Variants in FAM227B observed in about 807,000 individuals in gnomAD.
The protein encoded by FAM227B is family with sequence similarity 227 member B, also known as protein FAM227B.
A neutral mutation model predicts 73.8 loss-of-function variants in FAM227B; 88 were observed. The observed-to-expected ratio is 1.19, with a 90% CI of 1.00 to 1.42. The LOEUF (loss-of-function observed/expected upper bound fraction) is 1.42, where lower values mean the gene tolerates loss of function less well. Ranked by LOEUF, FAM227B falls within the 40% of genes most tolerant of loss-of-function variation. FAM227B has a pLI of 0.00. For missense variants in FAM227B, 632 were observed against 590.9 expected (o/e 1.07, Z -0.72); for synonymous variants, 210 against 190.5 (o/e 1.10, Z -0.84).
chr15:49,617,715 T>C (rs1243020879), intron 1 of FAM227B, among the ~76,000 whole-genome samples: 2 of 152,126 alleles, frequency 1.3e-5, no homozygotes, highest in African/African-American at 4.8e-5. Context: ...AGTTTATTAT[T>C]TCACAGGTCT....
chr15:49,603,819 G>A (rs1014142157), intron 3 of FAM227B, among the ~76,000 whole-genome samples: 1 of 152,138 alleles, frequency 6.6e-6, no homozygotes, highest in Non-Finnish European at 1.5e-5. Flanking sequence ...TTATGTTAAA[G>A]TATATTCCTT....
At chr15:49,530,865 G>T (rs867990847) in intron 10 of FAM227B, among the ~76,000 whole-genome samples, 1 of 151,056 alleles carries the variant, frequency 6.6e-6, no homozygotes, top group East Asian at 1.9e-4. Flanking sequence ...TAAATATAAA[G>T]AAATATAAAG....
intron 11 of FAM227B, among the ~76,000 whole-genome samples, chr15:49,463,091 C>T (rs2053946552): frequency 1.3e-5 from 2 of 152,206 alleles, no homozygotes; most frequent in Non-Finnish European, 2.9e-5. Context: ...CAAGTTCACT[C>T]TCTCCCAATC....
intron 11 of FAM227B, chr15:49,489,362 C>T: frequency 3.0e-6 from 3 of 984,638 alleles, no homozygotes; most frequent in Non-Finnish European, 3.6e-6. Context: ...ATTCTTGATT[C>T]TTCCTTGAGG....
At position 49,397,872 on chromosome 15, in the gene FAM227B, G is replaced by A. The variant is rs74494496; in HGVS notation, c.1013-26473C>T. ...GTGCTAAACACGGAAAGGAACCACC[G>A]GTACCAGCAGCTGCAAAACCATGCC... On this transcript the variant is annotated intron_variant, in intron 11 of 15. Coordinates refer to ENST00000299338, the MANE Select transcript of FAM227B (RefSeq NM_152647.3). Among the ~76,000 whole-genome samples, 312 of 152,154 alleles carry A rather than the reference G, an allele frequency of 2.1e-3. 3 individuals are homozygous for A. Among genetic ancestry groups the A allele is most frequent in the Non-Finnish European group, 2.8e-3 (189 of 68,006 alleles).
intron 11 of FAM227B, among the ~76,000 whole-genome samples, chr15:49,474,830 A>G (rs1166613440): frequency 6.6e-6 from 1 of 152,082 alleles, no homozygotes; most frequent in Non-Finnish European, 1.5e-5. Context: ...TCCGTACGAA[A>G]ATCTCACTAA....
At chr15:49,601,868 A>C (rs2077225602) in intron 3 of FAM227B, among the ~76,000 whole-genome samples, 1 of 152,170 alleles carries the variant, frequency 6.6e-6, no homozygotes. Flanking sequence ...TGATTTTCAG[A>C]ACCCAAAAAT....
In FAM227B at chr15:49,367,542, A is replaced by G. The variant is rs753372861; in HGVS notation, c.1177T>C (p.Leu393=). ...TGCATCTTAAGATAATATAAAATCA[A>G]TGGACTCTGACCTCCAAAATTGAAG... ...VLFNFGGQSP[L]ILYYLKMHEL... Residue 393 remains leucine, a synonymous_variant, in exon 13 of 16, where the codon TTG becomes CTG. Coordinates refer to ENST00000299338, the MANE Select transcript of FAM227B (RefSeq NM_152647.3). 1 of 1,606,962 alleles carries G rather than the reference A, an allele frequency of 6.2e-7. No homozygotes were observed. The highest frequency in any genetic ancestry group is 1.1e-5 in the South Asian group (1 of 89,194).
chr15:49,567,460 T>C (rs2074750286), intron 9 of FAM227B, among the ~76,000 whole-genome samples: 1 of 152,124 alleles, frequency 6.6e-6, no homozygotes, highest in African/African-American at 2.4e-5. Context: ...TATCAAACTT[T>C]ACACATGTGT....
chr15:49,368,428 T>C (rs1031600510), intron 12 of FAM227B, among the ~76,000 whole-genome samples: 1 of 152,224 alleles, frequency 6.6e-6, no homozygotes, highest in African/African-American at 2.4e-5. Flanking sequence ...TGAATTTCTT[T>C]TGCTTATGGT....
At chr15:49,354,398 G>A (rs560248380) in intron 13 of FAM227B, among the ~76,000 whole-genome samples, 17 of 152,316 alleles carry the variant, frequency 1.1e-4, no homozygotes, top group African/African-American at 2.2e-4. Flanking sequence ...CGCACCGTGC[G>A]TGAGCCGAAG....
At chr15:49,536,641 A>G (rs1464714146) in intron 10 of FAM227B, among the ~76,000 whole-genome samples, 2 of 151,890 alleles carry the variant, frequency 1.3e-5, no homozygotes, top group Non-Finnish European at 2.9e-5. Context: ...TAGGCATTAA[A>G]CCTCTTGATT....
At chr15:49,379,335 T>C (rs1367333665) in intron 11 of FAM227B, among the ~76,000 whole-genome samples, 1 of 152,170 alleles carries the variant, frequency 6.6e-6, no homozygotes, top group Non-Finnish European at 1.5e-5. Context: ...AATTTGGAAG[T>C]ATTCCCTCCT....
Position 49,335,480 on chromosome 15 carries a change from A to G in FAM227B, c.1288T>C (p.Tyr430His). 6.2e-7 allele frequency: 1 copy of G among 1,613,288 alleles called. No individual in the cohort carries two copies. The highest frequency in any genetic ancestry group is 8.5e-7 in the Non-Finnish European group (1 of 1,179,328). ...TTTGCCTCCTTTATAACATCACGGT[A>G]TGTTGGAGCAGGTAGTGTGCTAGGC... ...IFQEPLPAPT[Y>H]RDVIKEAKRQ... is the part of the protein sequence containing the mutation. The change falls in exon 14 of 16, where the codon TAC becomes CAC. Residue 430 changes from tyrosine (Y) to histidine (H), a missense_variant. By Grantham distance (83) the Tyr-to-His change is moderately conservative. Coordinates refer to ENST00000299338, the MANE Select transcript of FAM227B (RefSeq NM_152647.3).
intron 10 of FAM227B, among the ~76,000 whole-genome samples, chr15:49,514,016 A>C (rs2413955): frequency 0.32 from 49,392 of 152,008 alleles, 8,754 homozygotes; most frequent in African/African-American, 0.45. Context: ...GGATAGTTTG[A>C]AGTCAGGTAG....
chr15:49,381,051 G>A (rs916839330), intron 11 of FAM227B, among the ~76,000 whole-genome samples: 5 of 152,100 alleles, frequency 3.3e-5, no homozygotes, highest in Non-Finnish European at 5.9e-5. Context: ...GGTGAGAAAC[G>A]AAGCAAGAGC....
At chr15:49,463,963 TA>T (rs1374333148) in intron 11 of FAM227B, among the ~76,000 whole-genome samples, 1 of 152,226 alleles carries the variant, frequency 6.6e-6, no homozygotes, top group Non-Finnish European at 1.5e-5. Flanking sequence ...TTACTATTTT[TA>T]TCCTAGGATA....
At chr15:49,495,199 C>CA (rs1317623723) in intron 11 of FAM227B, among the ~76,000 whole-genome samples, 1 of 152,124 alleles carries the variant, frequency 6.6e-6, no homozygotes, top group African/African-American at 2.4e-5. Context: ...GAGGTATTTG[C>CA]AGGCGATCTT....
At chr15:49,373,205 C>A (rs1223397406) in intron 11 of FAM227B, among the ~76,000 whole-genome samples, 1 of 151,806 alleles carries the variant, frequency 6.6e-6, no homozygotes, top group East Asian at 1.9e-4. Context: ...ATCACCTGAG[C>A]TTAATTGTGG....
Sources: allele counts gnomAD v4.1 joint callset (sites outside exome capture counted in the v4.1 genomes callset), GRCh38; gene constraint gnomAD v4.1.1; transcripts MANE v1.5; gene names NCBI Gene and HGNC (gene_info 2026-07-23, HGNC 2026-07-21).